OR51B5: variants seen among roughly 807,000 people sequenced by gnomAD.
OR51B5 encodes the protein olfactory receptor 51B5.
For missense variants in OR51B5, 456 were observed against 374.6 expected, an observed-to-expected ratio of 1.22 and a Z score of -1.79; for synonymous variants, 186 against 144.8, an observed-to-expected ratio of 1.28 and a Z score of -2.04.
chr11:5,455,571 G>GAGAGAGAGAAAGAGAA (rs1564819301), intron 1 of OR51B5: 11 of 144,008 alleles, frequency 7.6e-5, no homozygotes, highest in African/African-American at 2.9e-4. Flanking sequence ...GGGGGAGAGA[G>GAGAGAGAGAAAGAGAA]AGAGAGAAAG....
intron 1 of OR51B5, among the ~76,000 whole-genome samples, chr11:5,370,627 GTTGT>G (rs1442489000): frequency 5.3e-5 from 8 of 152,100 alleles, no homozygotes; most frequent in Admixed American, 1.3e-4. Flanking sequence ...TCATTGTTTA[GTTGT>G]TTGTTTATCT....
intron 1 of OR51B5, among the ~76,000 whole-genome samples, chr11:5,483,692 C>G (rs2133810082): frequency 6.6e-6 from 1 of 151,706 alleles, no homozygotes; most frequent in African/African-American, 2.4e-5. Flanking sequence ...ATTTTTTTCT[C>G]AATTATCAAC....
At chr11:5,449,402 T>C (rs1022194917) in intron 1 of OR51B5, 1 of 152,222 alleles carries the variant, frequency 6.6e-6, no homozygotes, top group African/African-American at 2.4e-5. Flanking sequence ...GCCAGCTGAT[T>C]CTCCTGAAGC....
At chr11:5,375,580 C>T (rs148870586) in intron 1 of OR51B5, among the ~76,000 whole-genome samples, 1 of 152,098 alleles carries the variant, frequency 6.6e-6, no homozygotes, top group Non-Finnish European at 1.5e-5. Flanking sequence ...CATGTGCACA[C>T]ACACACATAG....
intron 1 of OR51B5, among the ~76,000 whole-genome samples, chr11:5,487,994 T>A (rs1000969699): frequency 9.1e-6 from 1 of 110,060 alleles, no homozygotes; most frequent in African/African-American, 3.5e-5. Flanking sequence ...TGGTGTATAT[T>A]TGGCACATAA....
intron 1 of OR51B5, among the ~76,000 whole-genome samples, chr11:5,447,771 C>G (rs1211800194): frequency 1.1e-5 from 1 of 93,294 alleles, no homozygotes; most frequent in African/African-American, 3.0e-5. Flanking sequence ...CACTTCTTCA[C>G]CCAAGTACTA....
intron 1 of OR51B5, among the ~76,000 whole-genome samples, chr11:5,364,965 A>ATT (rs201457212): frequency 1.3e-5 from 2 of 152,202 alleles, no homozygotes; most frequent in Non-Finnish European, 2.9e-5. Context: ...GAGGGAAAAA[A>ATT]ATGAAGTAAC....
intron 1 of OR51B5, among the ~76,000 whole-genome samples, chr11:5,499,758 T>G (rs562505075): frequency 6.6e-6 from 1 of 152,118 alleles, no homozygotes; most frequent in Non-Finnish European, 1.5e-5. Context: ...ATGACACAAG[T>G]CTAAACAATC....
chr11:5,424,764 G>T (rs1174034166), intron 1 of OR51B5, among the ~76,000 whole-genome samples: 1 of 144,592 alleles, frequency 6.9e-6, no homozygotes, highest in Admixed American at 7.0e-5. Context: ...GGTGGATCAC[G>T]ACGTCAGCAG....
intron 1 of OR51B5, among the ~76,000 whole-genome samples, chr11:5,379,260 A>G (rs1045040095): frequency 7.9e-5 from 12 of 151,992 alleles, no homozygotes; most frequent in East Asian, 5.8e-4. Context: ...GAACTGAACA[A>G]TGAGAACACA....
chr11:5,441,226 T>C, intron 1 of OR51B5: 1 of 1,613,966 alleles, frequency 6.2e-7, no homozygotes, highest in East Asian at 2.2e-5. Context: ...AGGCAAGCAT[T>C]AAACGCAACA....
At chr11:5,410,878 G>T (rs1850138760) in intron 1 of OR51B5, among the ~76,000 whole-genome samples, 1 of 152,226 alleles carries the variant, frequency 6.6e-6, no homozygotes, top group Admixed American at 6.5e-5. Flanking sequence ...AATAAAAAAT[G>T]TGTAAAATAA....
chr11:5,379,999 A>AAT (rs1554885689), intron 1 of OR51B5, among the ~76,000 whole-genome samples: 177 of 152,022 alleles, frequency 1.2e-3, no homozygotes, highest in African/African-American at 3.9e-3. Flanking sequence ...TAAAAAAAAA[A>AAT]AATAAGCTAC....
intron 1 of OR51B5, among the ~76,000 whole-genome samples, chr11:5,365,489 A>T (rs925614566): frequency 7.0e-6 from 1 of 142,586 alleles, no homozygotes; most frequent in Non-Finnish European, 1.6e-5. Flanking sequence ...GCCAGTCAGC[A>T]ACCATTTTCC....
intron 1 of OR51B5, among the ~76,000 whole-genome samples, chr11:5,459,931 G>A (rs576364626): frequency 9.7e-4 from 147 of 152,250 alleles, no homozygotes; most frequent in African/African-American, 3.3e-3. Flanking sequence ...ACATGTGTAT[G>A]TTCACTGCAG....
chr11:5,396,097 C>A (rs1335973950), intron 1 of OR51B5, among the ~76,000 whole-genome samples: 1 of 152,176 alleles, frequency 6.6e-6, no homozygotes, highest in Non-Finnish European at 1.5e-5. Context: ...TAATACAGAT[C>A]TGGTCCCAGA....
At chr11:5,489,033 T>A (rs374132161) in intron 1 of OR51B5, 141 of 1,614,008 alleles carry the variant, frequency 8.7e-5, no homozygotes, top group Non-Finnish European at 1.1e-4. Context: ...GTGTCCATTC[T>A]ATCTATGCTC....
intron 1 of OR51B5, among the ~76,000 whole-genome samples, chr11:5,416,589 G>C (rs61894095): frequency 9.9e-5 from 15 of 151,172 alleles, no homozygotes; most frequent in African/African-American, 1.5e-4. Flanking sequence ...TCTCAGGATA[G>C]AAAATCAATG....
intron 1 of OR51B5, among the ~76,000 whole-genome samples, chr11:5,444,787 G>A (rs1057421741): frequency 2.0e-5 from 3 of 152,176 alleles, no homozygotes; most frequent in African/African-American, 7.2e-5. Flanking sequence ...TATCAGTGAA[G>A]AGTGAGTTGG....
Sources: gnomAD v4.1 joint callset for allele counts (sites outside exome capture counted in the v4.1 genomes callset) on GRCh38, gnomAD v4.1.1 for gene constraint, MANE v1.5 for transcripts, NCBI Gene and HGNC (gene_info 2026-07-23, HGNC 2026-07-21) for gene names.